ZC4H2: variants seen among roughly 807,000 people sequenced by gnomAD.
ZC4H2 encodes zinc finger C4H2 domain-containing protein.
For missense variants in ZC4H2, 137 were observed against 173.9 expected, an observed-to-expected ratio of 0.79 and a Z score of 1.19; for synonymous variants, 84 against 66.3, an observed-to-expected ratio of 1.27 and a Z score of -1.30.
At chrX:64,965,571 C>G (rs1211431736) in intron 1 of ZC4H2, 2 of 275,828 alleles carry the variant, frequency 7.3e-6, no homozygotes, top group Non-Finnish European at 1.3e-5. Context: ...CTTAGGCAAA[C>G]ATTTCTCCTA....
chrX:64,948,877 G>A (rs1208749012), intron 1 of ZC4H2, among the ~76,000 whole-genome samples: 2 of 111,904 alleles, frequency 1.8e-5, no homozygotes, highest in African/African-American at 6.5e-5. Context: ...TAAGATAAAG[G>A]TAAACGTTTC....
intron 1 of ZC4H2, among the ~76,000 whole-genome samples, chrX:64,960,284 A>G (rs1453881964): frequency 1.8e-5 from 2 of 110,949 alleles, no homozygotes; most frequent in African/African-American, 6.6e-5. Context: ...ATGTAGAAAG[A>G]GAACTCTATT....
chrX:64,987,937 A>G (rs1316744593), intron 1 of ZC4H2, among the ~76,000 whole-genome samples: 34 of 83,771 alleles, frequency 4.1e-4, no homozygotes, highest in African/African-American at 1.6e-3. Context: ...TCCTGTGTCG[A>G]TGTGTTCTCA....
At position 64,916,471 on chromosome X, in the gene ZC4H2, C is replaced by T. The variant is rs1928926445; in HGVS notation, c.*1312G>A. 2 of 111,975 alleles carry T rather than the reference C, an allele frequency of 1.8e-5. No homozygotes were observed. Among genetic ancestry groups the T allele is most frequent in the Admixed American group, 9.4e-5 (1 of 10,585 alleles). The allele number at this position is 111,975 out of a possible 1,213,427, so 9.2% of individuals were successfully genotyped here. On this transcript the variant is annotated 3_prime_UTR_variant, in exon 5 of 5. Coordinates refer to ENST00000374839, the MANE Select transcript of ZC4H2 (RefSeq NM_018684.4). Reference sequence around the variant, plus strand: ...TGCATGTTAAAAGGATTTGTACAGACACAACACTCTTACTTTCAAAGAGCA... The same window carrying T: ...TGCATGTTAAAAGGATTTGTACAGATACAACACTCTTACTTTCAAAGAGCA...
intron 1 of ZC4H2, among the ~76,000 whole-genome samples, chrX:65,012,159 C>A (rs1471502412): frequency 4.4e-5 from 4 of 91,103 alleles, no homozygotes; most frequent in Admixed American, 4.2e-4. Context: ...ACCTGGGAGG[C>A]AGAGGTTGCG....
chrX:65,027,286 T>C (rs1467326108), intron 1 of ZC4H2, among the ~76,000 whole-genome samples: 1 of 111,617 alleles, frequency 9.0e-6, no homozygotes, highest in East Asian at 2.8e-4. Context: ...GGGGAATAGA[T>C]CTGAAACGTT....
chrX:64,964,141 C>G (rs996861127), intron 1 of ZC4H2, among the ~76,000 whole-genome samples: 2 of 110,905 alleles, frequency 1.8e-5, no homozygotes, highest in Non-Finnish European at 3.8e-5. Flanking sequence ...GTTAACAATA[C>G]TGTATTATAA....
chrX:64,950,431 T>C (rs1212247274), intron 1 of ZC4H2, among the ~76,000 whole-genome samples: 1 of 111,599 alleles, frequency 9.0e-6, no homozygotes, highest in South Asian at 3.8e-4. Flanking sequence ...TTGATCTGTC[T>C]CATGTTGACA....
chrX:65,022,733 T>G (rs969061497), intron 1 of ZC4H2, among the ~76,000 whole-genome samples: 1 of 111,452 alleles, frequency 9.0e-6, no homozygotes, highest in Non-Finnish European at 1.9e-5. Flanking sequence ...GGAATACAAC[T>G]TAAAAGGGAT....
At chrX:64,980,450 A>C (rs1355897601), upstream of ZC4H2, among the ~76,000 whole-genome samples, 1 of 111,905 alleles carries the variant, frequency 8.9e-6, no homozygotes, top group Non-Finnish European at 1.9e-5. Context: ...TTCCTGAACA[A>C]AACTAGGCAG....
chrX:64,944,641 GA>G (rs1171825172), intron 1 of ZC4H2, among the ~76,000 whole-genome samples: 2 of 111,453 alleles, frequency 1.8e-5, no homozygotes, highest in Admixed American at 1.9e-4. Context: ...CTAAGTTGGG[GA>G]AGTTCTTCTG....
At chrX:65,026,173 T>C (rs1379148540) in intron 1 of ZC4H2, among the ~76,000 whole-genome samples, 1 of 111,803 alleles carries the variant, frequency 8.9e-6, no homozygotes, top group Non-Finnish European at 1.9e-5. Context: ...ATCTGACCTA[T>C]AATAGAAATA....
chrX:64,954,390 T>TTTTATA (rs1931066343), intron 1 of ZC4H2, among the ~76,000 whole-genome samples: 1 of 72,180 alleles, frequency 1.4e-5, no homozygotes, highest in African/African-American at 1.3e-4. Context: ...ATATTTATAA[T>TTTTATA]TATATATATA....
At chrX:64,935,984 G>C (rs1449416512) in intron 1 of ZC4H2, among the ~76,000 whole-genome samples, 1 of 110,301 alleles carries the variant, frequency 9.1e-6, no homozygotes, top group East Asian at 2.9e-4. Flanking sequence ...CTGAGCTAAA[G>C]GAGCATGTTC....
intron 4 of ZC4H2, 130 bp from the exon 5 acceptor site, chrX:64,918,026 A>G: frequency 1.3e-6 from 1 of 746,137 alleles, no homozygotes; most frequent in South Asian, 3.0e-5. Context: ...ATCAGTGAGT[A>G]GACTCAAGTA....
At chrX:64,975,857 T>TC (rs1214240638) in intron 1 of ZC4H2, among the ~76,000 whole-genome samples, 1 of 111,092 alleles carries the variant, frequency 9.0e-6, no homozygotes, top group Non-Finnish European at 1.9e-5. Context: ...CTGAGATTCC[T>TC]CTGCAACCCC....
chrX:64,950,967 C>A lies in ZC4H2; in HGVS notation c.53+25358G>T, dbSNP rs148637301. 8.8e-4 allele frequency among the ~76,000 whole-genome samples: 97 copies of A among 110,397 alleles called. 1 individual carries two copies. In the East Asian group the frequency reaches 0.026, roughly 29 times the overall value. The stretch of plus-strand genomic sequence containing the variant: ...GCCATAGCTCCCCACTCTCCCCACC[C>A]CACAACAGTCCCCAGAGTGTGATGT... On this transcript the variant is annotated intron_variant, in intron 1 of 4. Coordinates refer to ENST00000374839, the MANE Select transcript of ZC4H2 (RefSeq NM_018684.4).
intron 1 of ZC4H2, 199 bp from the exon 2 acceptor site, chrX:64,922,187 G>C: frequency 1.1e-6 from 1 of 950,137 alleles, no homozygotes; most frequent in Non-Finnish European, 1.3e-6. Context: ...GAGGCAGGAG[G>C]ATCACTTGAG....
At chrX:65,015,454 C>T (rs7877430) in intron 1 of ZC4H2, among the ~76,000 whole-genome samples, 9,204 of 111,780 alleles carry the variant, frequency 0.082, 1,017 homozygotes, top group African/African-American at 0.29. Flanking sequence ...GGTATGATGG[C>T]ACCTCACTCC....
Sources: gnomAD v4.1 joint callset for allele counts (sites outside exome capture counted in the v4.1 genomes callset) on GRCh38, gnomAD v4.1.1 for gene constraint, MANE v1.5 for transcripts, NCBI Gene and HGNC (gene_info 2026-07-23, HGNC 2026-07-21) for gene names.